CSMD1: variants seen among roughly 807,000 people sequenced by gnomAD.
CSMD1 encodes the protein CUB and Sushi multiple domains 1, also known as CUB and sushi domain-containing protein 1.
Under a neutral mutation model 417.5 loss-of-function variants are expected in CSMD1, and 213 were observed. The ratio of observed to expected loss-of-function variants is 0.51; its 90% confidence interval spans 0.46 to 0.57. CSMD1 has a LOEUF of 0.57. CSMD1 is among the 20% of genes least tolerant of loss of function. CSMD1 has a pLI of 0.00. For synonymous variants in CSMD1, 2,862 were observed against 1,736.8 expected, an observed-to-expected ratio of 1.65 and a Z score of -16.11; for missense variants, 6,923 against 4,529.7, an observed-to-expected ratio of 1.53 and a Z score of -15.17.
At chr8:3,373,929 G>A (rs1468119642) in intron 18 of CSMD1, among the ~76,000 whole-genome samples, 1 of 150,858 alleles carries the variant, frequency 6.6e-6, no homozygotes, top group East Asian at 2.0e-4. Flanking sequence ...TTTCCTGGCT[G>A]AGTTGAAGTA....
chr8:2,995,111 G>C (rs1233332037), intron 54 of CSMD1, among the ~76,000 whole-genome samples: 3 of 152,168 alleles, frequency 2.0e-5, no homozygotes, highest in African/African-American at 4.8e-5. Context: ...AGTCAAACGA[G>C]AGACTGGGAA....
At chr8:3,994,968 C>G (rs995183730) in intron 5 of CSMD1, among the ~76,000 whole-genome samples, 1 of 152,186 alleles carries the variant, frequency 6.6e-6, no homozygotes, top group African/African-American at 2.4e-5. Context: ...GCACCACCCT[C>G]CTGGCTCTGT....
intron 2 of CSMD1, among the ~76,000 whole-genome samples, chr8:4,423,073 A>G (rs2128941507): frequency 6.6e-6 from 1 of 152,198 alleles, no homozygotes; most frequent in South Asian, 2.1e-4. Flanking sequence ...AAATTTAAAA[A>G]AGCCTAAAGA....
intron 3 of CSMD1, among the ~76,000 whole-genome samples, chr8:4,186,708 G>T (rs1700088): frequency 9.2e-5 from 14 of 151,530 alleles, no homozygotes; most frequent in Non-Finnish European, 1.9e-4. Flanking sequence ...TTTTTTCAGC[G>T]GCGTACGGTC....
chr8:3,029,644 A>C, intron 50 of CSMD1, 131 bp from the exon 51 acceptor site: 1 of 688,166 alleles, frequency 1.5e-6, no homozygotes, highest in Non-Finnish European at 2.4e-6. Flanking sequence ...ATTACGTATT[A>C]TCTCAGTGTT....
At chr8:3,784,520 A>G (rs78003145) in intron 5 of CSMD1, among the ~76,000 whole-genome samples, 14,581 of 152,172 alleles carry the variant, frequency 0.096, 930 homozygotes, top group African/African-American at 0.18. Context: ...AGAATCCTCA[A>G]TTTCTAACAC....
chr8:3,434,711 C>T (rs1487939382), intron 12 of CSMD1, among the ~76,000 whole-genome samples: 1 of 152,158 alleles, frequency 6.6e-6, no homozygotes, highest in East Asian at 1.9e-4. Context: ...CTTCATTTTG[C>T]TGCTGAATAA....
intron 10 of CSMD1, among the ~76,000 whole-genome samples, chr8:3,562,068 G>C (rs1390470039): frequency 6.6e-6 from 1 of 151,536 alleles, no homozygotes; most frequent in Non-Finnish European, 1.5e-5. Flanking sequence ...TGCAGGTTTA[G>C]AGTAAAAATT....
rs2129019114 is a variant in CSMD1 at position 3,118,482 on chromosome 8, C to A, written c.6347G>T (p.Gly2116Val). 6.2e-7 allele frequency: 1 copy of A among 1,613,814 alleles called. No individual in the cohort carries two copies. The highest frequency in any genetic ancestry group is 8.5e-7 in the Non-Finnish European group (1 of 1,179,830). The change falls in exon 42 of 70, where the codon GGG becomes GTG. Residue 2116 changes from glycine to valine, a missense_variant. Coordinates refer to ENST00000635120, the MANE Select transcript of CSMD1 (RefSeq NM_033225.6). ...GACAGGATGGCCTATTAGAATGTAC[C>A]CAGGATAACACTCGAAAGATACTGA... ...GQSVSFECYP[G>V]YILIGHPVLT...
At chr8:3,537,862 G>T (rs1336891945) in intron 10 of CSMD1, among the ~76,000 whole-genome samples, 1 of 152,146 alleles carries the variant, frequency 6.6e-6, no homozygotes, top group African/African-American at 2.4e-5. Flanking sequence ...AATTAATTCA[G>T]GAGCCTCTTC....
chr8:3,638,812 C>G (rs1797169188), intron 7 of CSMD1, among the ~76,000 whole-genome samples: 1 of 152,168 alleles, frequency 6.6e-6, no homozygotes, highest in South Asian at 2.1e-4. Context: ...ACTCCTCCCT[C>G]TCTCCTTCCT....
chr8:3,776,015 C>T (rs1207384837), intron 5 of CSMD1, among the ~76,000 whole-genome samples: 2 of 152,190 alleles, frequency 1.3e-5, no homozygotes, highest in Non-Finnish European at 2.9e-5. Context: ...TCCAAATTTC[C>T]CCTTGACTCT....
Position 4,925,215 on chromosome 8 carries a change from G to GGTTTTTTTTTTTT in CSMD1, c.85+69116_85+69117insAAAAAAAAAAAAC, listed in dbSNP as rs762807942. Among the ~76,000 whole-genome samples, 9 of 72,742 alleles carry GGTTTTTTTTTTTT rather than the reference G, an allele frequency of 1.2e-4. No individual in the cohort carries two copies. In the East Asian group the frequency reaches 2.0e-3, roughly 16 times the overall value. 47.7% of individuals were successfully genotyped at this position (72,742 alleles called of 152,430 possible). A position where few individuals can be genotyped will look rare whatever the true frequency, so the allele number is the denominator to read the frequency against. On this transcript the variant is annotated intron_variant, in intron 1 of 69. Coordinates refer to ENST00000635120, the MANE Select transcript of CSMD1 (RefSeq NM_033225.6). Reference sequence around the variant, plus strand: ...AAACATGGTGAATACCAGTTTTATGGTTTTTTTTTTTTTTTTTTTTTTTTT... The same window carrying GGTTTTTTTTTTTT: ...AAACATGGTGAATACCAGTTTTATGGGTTTTTTTTTTTTTTTTTTTTTTTTTTTTTTTTTTTTT...
intron 5 of CSMD1, among the ~76,000 whole-genome samples, chr8:3,988,200 G>A (rs1228919064): frequency 1.3e-5 from 2 of 152,124 alleles, no homozygotes; most frequent in Admixed American, 6.5e-5. Flanking sequence ...AGACCCTGGT[G>A]AGTCTGTGAA....
intron 1 of CSMD1, among the ~76,000 whole-genome samples, chr8:4,925,044 A>G (rs1256354695): frequency 6.6e-6 from 1 of 152,112 alleles, no homozygotes; most frequent in African/African-American, 2.4e-5. Context: ...TTGAATTACT[A>G]CATACCTTAA....
At chr8:3,883,925 A>T (rs1806381149) in intron 5 of CSMD1, among the ~76,000 whole-genome samples, 1 of 152,166 alleles carries the variant, frequency 6.6e-6, no homozygotes, top group South Asian at 2.1e-4. Context: ...AAAATATATG[A>T]ATATAGGCAT....
At chr8:3,401,885 A>C (rs540879136) in intron 15 of CSMD1, among the ~76,000 whole-genome samples, 14 of 152,204 alleles carry the variant, frequency 9.2e-5, no homozygotes, top group African/African-American at 3.1e-4. Flanking sequence ...GTTCATACTC[A>C]CTTAGCTGAT....
rs533526292 is a variant in CSMD1 at position 4,077,258 on chromosome 8, C to T, written c.416-45159G>A. On this transcript the variant is annotated intron_variant, in intron 3 of 69. Coordinates refer to ENST00000635120, the MANE Select transcript of CSMD1 (RefSeq NM_033225.6). ...TCCATTTCTCTACTGACACCTCCCA[C>T]TGTAAAAGCCCATTTGTCACCTATA... Among the ~76,000 whole-genome samples, 74 of 125,062 alleles carry T rather than the reference C, an allele frequency of 5.9e-4. No individual in the cohort carries two copies. In the South Asian group the frequency reaches 0.017, roughly 29 times the overall value. The allele number at this position is 125,062 out of a possible 152,430, so 82.0% of individuals were successfully genotyped here.
At chr8:3,777,682 A>G (rs1468430165) in intron 5 of CSMD1, among the ~76,000 whole-genome samples, 1 of 151,958 alleles carries the variant, frequency 6.6e-6, no homozygotes, top group African/African-American at 2.4e-5. Flanking sequence ...GAGTCTCAGG[A>G]CCCACGCCAG....
Sources: gnomAD v4.1 joint callset for allele counts (sites outside exome capture counted in the v4.1 genomes callset) on GRCh38, gnomAD v4.1.1 for gene constraint, MANE v1.5 for transcripts, NCBI Gene and HGNC (gene_info 2026-07-23, HGNC 2026-07-21) for gene names.